Variants in KLF8 observed in about 807,000 individuals in gnomAD.
KLF8 encodes the protein KLF transcription factor 8, also known as Krueppel-like factor 8.
In KLF8, 10 loss-of-function variants were observed where a neutral mutation model predicts 18.2. That is an observed-to-expected ratio of 0.55 (90% CI 0.34 to 0.93). The LOEUF is 0.93. KLF8 is among the 40% of genes least tolerant of loss of function. The pLI, the probability that KLF8 is intolerant of heterozygous loss-of-function variation, is 0.02. For synonymous variants in KLF8, 109 were observed against 97.3 expected (o/e 1.12, Z -0.71); for missense variants, 264 against 277.9 (o/e 0.95, Z 0.36).
the KLF8 span, among the ~76,000 whole-genome samples, chrX:55,969,416 TC>T: frequency 2.7e-5 from 3 of 111,482 alleles, no homozygotes; most frequent in African/African-American, 9.8e-5. Context: ...GAAAATGGAA[TC>T]ATGACATATC....
chrX:56,004,432 A>T, the KLF8 span, among the ~76,000 whole-genome samples: 1 of 112,077 alleles, frequency 8.9e-6, no homozygotes, highest in Non-Finnish European at 1.9e-5. Flanking sequence ...CACAAAGAAT[A>T]GTGTATTACC....
chrX:56,029,727 C>G, the KLF8 span, among the ~76,000 whole-genome samples: 1 of 111,731 alleles, frequency 9.0e-6, no homozygotes, highest in Non-Finnish European at 1.9e-5. Flanking sequence ...TTCCAATGTC[C>G]TATTTCTTTA....
rs200907884 is a variant in KLF8, at chrX:56,265,541, C to T, written c.443C>T (p.Ser148Phe). The stretch of plus-strand genomic sequence containing the variant: ...ACCCCAGGCTCTGTCCTGACCTCCT[C>T]TCAGAGCACTGGTAGCCAGCAGATC... ...VLTPGSVLTS[S>F]QSTGSQQILH... is the part of the protein sequence containing the mutation. Residue 148 changes from serine (S) to phenylalanine (F), a missense_variant, in exon 3 of 6, where the codon TCT becomes TTT. Ser to Phe is a radical substitution (Grantham distance 155). Coordinates refer to ENST00000468660, the MANE Select transcript of KLF8 (RefSeq NM_007250.5). 1 of 1,211,465 alleles carries T rather than the reference C, an allele frequency of 8.3e-7. No individual in the cohort carries two copies. Among genetic ancestry groups the T allele is most frequent in the African/African-American group, 1.7e-5 (1 of 57,898 alleles).
At chrX:56,009,754 A>G in the KLF8 span, among the ~76,000 whole-genome samples, 1 of 112,473 alleles carries the variant, frequency 8.9e-6, no homozygotes, top group Non-Finnish European at 1.9e-5. Flanking sequence ...ACCAGTTTAG[A>G]GAAGAACATA....
the KLF8 span, among the ~76,000 whole-genome samples, chrX:56,080,251 CT>C: frequency 9.0e-6 from 1 of 110,574 alleles, no homozygotes; most frequent in African/African-American, 3.3e-5. Context: ...TCTCGATGGT[CT>C]TTACATTTTG....
chrX:55,963,966 A>G, the KLF8 span, among the ~76,000 whole-genome samples: 1 of 112,087 alleles, frequency 8.9e-6, no homozygotes, highest in African/African-American at 3.2e-5. Flanking sequence ...CAATACAAAG[A>G]AGATCTCTCA....
chrX:56,238,321 C>A, intron 1 of KLF8, among the ~76,000 whole-genome samples: 1 of 110,826 alleles, frequency 9.0e-6, no homozygotes, highest in East Asian at 2.8e-4. Context: ...ATTAAAAATA[C>A]AAAATTAGCC....
At chrX:56,051,870 A>T in the KLF8 span, among the ~76,000 whole-genome samples, 1 of 109,134 alleles carries the variant, frequency 9.2e-6, no homozygotes, top group South Asian at 3.8e-4. Flanking sequence ...GTGTTTTCCA[A>T]CTTGGTTCCA....
the KLF8 span, among the ~76,000 whole-genome samples, chrX:56,039,046 T>A: frequency 8.9e-6 from 1 of 111,998 alleles, no homozygotes; most frequent in Admixed American, 9.5e-5. Flanking sequence ...ATTGCCCACT[T>A]TTTAATGTGG....
At chrX:56,061,378 TG>T in the KLF8 span, among the ~76,000 whole-genome samples, 1 of 112,002 alleles carries the variant, frequency 8.9e-6, no homozygotes, top group South Asian at 3.7e-4. Context: ...TTGTTCTCAT[TG>T]GTTTCGAAGA....
chrX:56,099,862 A>G, the KLF8 span, among the ~76,000 whole-genome samples: 1 of 112,499 alleles, frequency 8.9e-6, no homozygotes, highest in Non-Finnish European at 1.9e-5. Flanking sequence ...AGCCATTTCC[A>G]TAACATAAAA....
chrX:56,284,035 C>T (rs1193754050), intron 5 of KLF8, among the ~76,000 whole-genome samples: 2 of 111,640 alleles, frequency 1.8e-5, no homozygotes, highest in Admixed American at 9.5e-5. Context: ...TTCAAGTGTT[C>T]TTACCACAAA....
the KLF8 span, among the ~76,000 whole-genome samples, chrX:56,188,836 G>T: frequency 2.7e-5 from 3 of 112,057 alleles, no homozygotes; most frequent in South Asian, 1.1e-3. Flanking sequence ...GCTGAAACTG[G>T]ATCCCTTCCT....
At chrX:56,052,148 G>T in the KLF8 span, among the ~76,000 whole-genome samples, 3 of 110,629 alleles carry the variant, frequency 2.7e-5, no homozygotes, top group African/African-American at 6.6e-5. Context: ...CTCTGTATTG[G>T]TTATTCTAGT....
At chrX:56,011,211 A>G in the KLF8 span, among the ~76,000 whole-genome samples, 2 of 112,310 alleles carry the variant, frequency 1.8e-5, no homozygotes, top group Admixed American at 9.4e-5. Flanking sequence ...AATTGATCAC[A>G]TAATTGGAAG....
chrX:56,058,507 C>A, the KLF8 span, among the ~76,000 whole-genome samples: 2,774 of 99,713 alleles, frequency 0.028, 127 homozygotes, highest in African/African-American at 0.096. Context: ...CCCCACCCAC[C>A]CCCACCGCCA....
the KLF8 span, among the ~76,000 whole-genome samples, chrX:56,083,323 G>A: frequency 8.9e-6 from 1 of 111,982 alleles, no homozygotes; most frequent in Non-Finnish European, 1.9e-5. Flanking sequence ...ACATTAACAT[G>A]TATCTCATAA....
chrX:56,185,098 C>A, the KLF8 span, among the ~76,000 whole-genome samples: 1 of 111,887 alleles, frequency 8.9e-6, no homozygotes, highest in Admixed American at 9.5e-5. Context: ...GAAATTCAAA[C>A]CAAAGGCAAA....
At chrX:56,169,094 C>T in the KLF8 span, among the ~76,000 whole-genome samples, 1 of 111,168 alleles carries the variant, frequency 9.0e-6, no homozygotes, top group African/African-American at 3.3e-5. Context: ...CACTCTGTGC[C>T]AGAAGGGAAA....
Sources: gnomAD v4.1 joint callset for allele counts (sites outside exome capture counted in the v4.1 genomes callset) on GRCh38, gnomAD v4.1.1 for gene constraint, MANE v1.5 for transcripts, NCBI Gene and HGNC (gene_info 2026-07-23, HGNC 2026-07-21) for gene names.